Variants in ASTN2 observed in about 807,000 individuals in gnomAD.
ASTN2 encodes the protein astrotactin 2, also known as astrotactin-2.
Under a neutral mutation model 139.8 loss-of-function variants are expected in ASTN2, and 54 were observed. The observed-to-expected ratio is 0.39, with a 90% CI of 0.31 to 0.48. The LOEUF (loss-of-function observed/expected upper bound fraction) is 0.48, where lower values mean the gene tolerates loss of function less well. Among genes scored for constraint, ASTN2 ranks in the 20% least tolerant of loss-of-function variants. ASTN2 has a pLI of 0.95. For synonymous variants in ASTN2, 756 were observed against 719.5 expected (o/e 1.05, Z -0.81); for missense variants, 1,565 against 1,725.1 (o/e 0.91, Z 1.64).
rs1828049600 is a variant in ASTN2 at position 117,313,769 on chromosome 9, GACA to G, written c.443-22259_443-22257del. Among the ~76,000 whole-genome samples the G allele has an allele frequency of 3.9e-5, 6 of 152,244 alleles. No homozygotes were observed. In the South Asian group the frequency reaches 8.3e-4, roughly 21 times the overall value. On this transcript the variant is annotated intron_variant, in intron 1 of 22. Coordinates refer to ENST00000313400, the MANE Select transcript of ASTN2 (RefSeq NM_001365068.1). The stretch of plus-strand genomic sequence containing the variant: ...GTTTTCATGTGAATAGATGGTTTAG[GACA>G]CAGTCCTGCATGTGCAAGGAGGAGC...
At chr9:117,262,672 C>A (rs142891491) in intron 2 of ASTN2, among the ~76,000 whole-genome samples, 1 of 152,096 alleles carries the variant, frequency 6.6e-6, no homozygotes, top group Admixed American at 6.5e-5. Flanking sequence ...TACTCAGAAC[C>A]TGTGAATATG....
At chr9:117,076,214 C>T (rs186087752) in intron 5 of ASTN2, among the ~76,000 whole-genome samples, 48 of 152,184 alleles carry the variant, frequency 3.2e-4, no homozygotes, top group African/African-American at 9.6e-4. Flanking sequence ...CTGGTAAGCA[C>T]GCTGGAGTGG....
In ASTN2 at chr9:117,019,188, AAAAC is replaced by A. The variant is rs370002547; in HGVS notation, c.1424-10933_1424-10930del. 1.3e-3 allele frequency among the ~76,000 whole-genome samples: 199 copies of A among 152,278 alleles called. 1 individual carries two copies. Among genetic ancestry groups the A allele is most frequent in the African/African-American group, 4.6e-3 (192 of 41,570 alleles). On this transcript the variant is annotated intron_variant, in intron 6 of 22. Transcript: ENST00000313400. ...CCATGTTGAAAGAGAGGGAGAAAAA[AAAAC>A]AAAGAAGTCAGGGAGAAGGTGACAT...
chr9:116,910,054 T>C (rs755891014), intron 10 of ASTN2, among the ~76,000 whole-genome samples: 11 of 145,802 alleles, frequency 7.5e-5, no homozygotes, highest in South Asian at 2.1e-4. Context: ...AGGGGAGAAA[T>C]TGCAGGAGCA....
At chr9:116,827,916 A>G (rs1394725944) in intron 11 of ASTN2, among the ~76,000 whole-genome samples, 2 of 100,178 alleles carry the variant, frequency 2.0e-5, no homozygotes, top group Non-Finnish European at 4.0e-5. Flanking sequence ...TGATACCAAA[A>G]CCATACAAGG....
At chr9:116,981,784 T>G (rs531850667) in intron 7 of ASTN2, among the ~76,000 whole-genome samples, 1 of 152,330 alleles carries the variant, frequency 6.6e-6, no homozygotes, top group South Asian at 2.1e-4. Context: ...TGAAATACCC[T>G]TAAGTACATT....
Position 116,423,121 on chromosome 9 carries a change from T to A in ASTN2, c.*2730A>T, listed in dbSNP as rs1847229456. 6.6e-6 allele frequency among the ~76,000 whole-genome samples: 1 copy of A among 152,236 alleles called. No individual in the cohort carries two copies. The highest frequency in any genetic ancestry group is 6.5e-5 in the Admixed American group (1 of 15,284). On this transcript the variant is annotated 3_prime_UTR_variant, in exon 23 of 23. Coordinates refer to ENST00000313400, the MANE Select transcript of ASTN2 (RefSeq NM_001365068.1). Reference sequence around the variant, plus strand: ...ACATAGCTGACAGAGCTGAAAATCATTAATTCTTTCTTTTAATCAGAATTC... The same window carrying A: ...ACATAGCTGACAGAGCTGAAAATCAATAATTCTTTCTTTTAATCAGAATTC...
At chr9:116,801,364 C>T (rs1343557141) in intron 13 of ASTN2, among the ~76,000 whole-genome samples, 3 of 151,580 alleles carry the variant, frequency 2.0e-5, no homozygotes, top group African/African-American at 4.8e-5. Context: ...GGGTGGATCG[C>T]GAGGTCAGGA....
chr9:117,362,596 C>T (rs943741217), intron 1 of ASTN2, among the ~76,000 whole-genome samples: 2 of 152,114 alleles, frequency 1.3e-5, no homozygotes, highest in South Asian at 4.2e-4. Context: ...TCAATGTTCC[C>T]TTTCCTGGCT....
intron 19 of ASTN2, 134 bp from the exon 20 acceptor site, chr9:116,487,634 T>C (rs966601388): frequency 1.4e-5 from 13 of 900,006 alleles, no homozygotes; most frequent in Non-Finnish European, 1.9e-5. Flanking sequence ...GCAAAAGATA[T>C]GAAAATGAAA....
chr9:116,497,796 T>C (rs1282262192), intron 19 of ASTN2, among the ~76,000 whole-genome samples: 2 of 152,188 alleles, frequency 1.3e-5, no homozygotes, highest in Non-Finnish European at 1.5e-5. Flanking sequence ...CAGTGTGAGT[T>C]CACTGCCTTT....
intron 7 of ASTN2, among the ~76,000 whole-genome samples, chr9:116,980,965 TC>T (rs1291327321): frequency 1.3e-5 from 2 of 152,084 alleles, no homozygotes; most frequent in Non-Finnish European, 2.9e-5. Context: ...GACTGTGAAC[TC>T]CTGTATAGGG....
At chr9:117,349,438 TG>T (rs1368080476) in intron 1 of ASTN2, among the ~76,000 whole-genome samples, 4 of 152,204 alleles carry the variant, frequency 2.6e-5, no homozygotes, top group Admixed American at 6.5e-5. Flanking sequence ...AAATTAGACA[TG>T]GCCCCCTGCC....
At chr9:117,267,928 C>A (rs1833972446) in intron 2 of ASTN2, among the ~76,000 whole-genome samples, 1 of 152,188 alleles carries the variant, frequency 6.6e-6, no homozygotes, top group South Asian at 2.1e-4. Context: ...CCAGCCAGAG[C>A]AGACCCACTT....
chr9:116,827,558 T>C, intron 11 of ASTN2, among the ~76,000 whole-genome samples: 1 of 152,040 alleles, frequency 6.6e-6, no homozygotes, highest in Non-Finnish European at 1.5e-5. Context: ...ACACTACAAC[T>C]GATGCCACGG....
At position 116,799,434 on chromosome 9, in the gene ASTN2, C is replaced by T. The variant is rs78358529; in HGVS notation, c.2396+6198G>A. Among the ~76,000 whole-genome samples, 722 of 152,256 alleles carry T rather than the reference C, an allele frequency of 4.7e-3. 5 individuals are homozygous for T. Among genetic ancestry groups the T allele is most frequent in the Non-Finnish European group, 7.4e-3 (504 of 68,030 alleles). ...CCCTTTCTAATAAATCTCTCATGAG[C>T]TCCTCCAGCTCTTTGCAGGTCATTC... is the stretch of plus-strand genomic sequence containing the variant. On this transcript the variant is annotated intron_variant, in intron 13 of 22. Coordinates refer to ENST00000313400, the MANE Select transcript of ASTN2 (RefSeq NM_001365068.1).
At chr9:117,240,110 C>T (rs1368141146) in intron 2 of ASTN2, among the ~76,000 whole-genome samples, 4 of 152,102 alleles carry the variant, frequency 2.6e-5, no homozygotes, top group African/African-American at 9.7e-5. Flanking sequence ...TAGTTTCATA[C>T]TTTTTTAAAA....
At chr9:117,137,002 T>G (rs531125818) in intron 4 of ASTN2, among the ~76,000 whole-genome samples, 15 of 150,886 alleles carry the variant, frequency 9.9e-5, no homozygotes, top group African/African-American at 3.1e-4. Flanking sequence ...CTACCTAAAC[T>G]AAATAAACCT....
chr9:116,551,449 G>A (rs1852339290), intron 19 of ASTN2, among the ~76,000 whole-genome samples: 1 of 152,176 alleles, frequency 6.6e-6, no homozygotes, highest in African/African-American at 2.4e-5. Flanking sequence ...GGAGAGGGAT[G>A]TTTGAGAGAG....
Sources: gnomAD v4.1 joint callset for allele counts (sites outside exome capture counted in the v4.1 genomes callset) on GRCh38, gnomAD v4.1.1 for gene constraint, MANE v1.5 for transcripts, NCBI Gene and HGNC (gene_info 2026-07-23, HGNC 2026-07-21) for gene names.